Variants in UTP23 observed in about 807,000 individuals in gnomAD.
UTP23 encodes rRNA-processing protein UTP23 homolog.
Under a neutral mutation model 19.8 loss-of-function variants are expected in UTP23, and 10 were observed. The ratio of observed to expected loss-of-function variants is 0.50; its 90% CI spans 0.31 to 0.86. The LOEUF is 0.86. Ranked by LOEUF, UTP23 falls within the 40% of genes least tolerant of loss-of-function variation. The pLI is 0.05. For synonymous variants in UTP23, 108 were observed against 105.4 expected (o/e 1.02, Z -0.15); for missense variants, 282 against 293.1 (o/e 0.96, Z 0.28).
At position 116,772,727 on chromosome 8, in the gene UTP23, A is replaced by G. The variant is rs891608004; in HGVS notation, c.*885A>G. ...ATATTCTCTTTGAGATTGACTGTGA[A>G]TGTTATTGAAAAGTGTCTAAATTAG... On this transcript the variant is annotated 3_prime_UTR_variant, in exon 3 of 3. Coordinates refer to ENST00000309822, the MANE Select transcript of UTP23 (RefSeq NM_032334.3). 2.0e-6 allele frequency: 2 copies of G among 985,276 alleles called. No individual in the cohort carries two copies. Among genetic ancestry groups the G allele is most frequent in the Non-Finnish European group, 2.4e-6 (2 of 829,810 alleles). The allele number at this position is 985,276 out of a possible 1,614,324, so 61.0% of individuals were successfully genotyped here. A position where few individuals can be genotyped will look rare whatever the true frequency, so the allele number is the denominator to read the frequency against.
chr8:116,768,935 G>T (rs573009604), intron 1 of UTP23, among the ~76,000 whole-genome samples: 205 of 152,202 alleles, frequency 1.3e-3, no homozygotes, highest in Non-Finnish European at 2.2e-3. Flanking sequence ...AAAGCATGGG[G>T]ATTACAGGCA....
Position 116,771,548 on chromosome 8 carries a change from CA to C in UTP23, c.460del (p.Thr154GlnfsTer5). 6.2e-7 allele frequency: 1 copy of C among 1,611,440 alleles called. No homozygotes were observed. The highest frequency in any genetic ancestry group is 8.5e-7 in the Non-Finnish European group (1 of 1,179,350). On this transcript the variant is annotated frameshift_variant, in exon 3 of 3. Transcript: ENST00000309822. LOFTEE classifies it high-confidence loss of function. ...CTATGGTTTTGGACAAACCTTCTCC[CA>C]AAACAATTGCCTTTGTAAAAGCAGT... is the stretch of plus-strand genomic sequence containing the variant. ...NTMVLDKPSPKTIAFVKAVES... is the reference protein window; with the variant it reads ...NTMVLDKPSPXTIAFVKAVES...
In UTP23 at chr8:116,766,547, C is replaced by A; in HGVS notation, c.-57C>A. On this transcript the variant is annotated 5_prime_UTR_variant, in exon 1 of 3. Transcript: ENST00000309822. ...CTGGCATTGAGGGTACTGGGGCGTG[C>A]GTGAGGCGTTTACTGATGCTTCCTG... 6.4e-7 allele frequency: 1 copy of A among 1,558,486 alleles called. No homozygotes were observed. The highest frequency in any genetic ancestry group is 8.7e-7 in the Non-Finnish European group (1 of 1,149,654).
In UTP23 at chr8:116,766,704, T is replaced by C. The variant is rs1470641808; in HGVS notation, c.101T>C (p.Phe34Ser). 1 of 1,613,208 alleles carries C rather than the reference T, an allele frequency of 6.2e-7. No homozygotes were observed. ...EPYQILLDGTFCQAALRGRIQ... is the reference protein window; with the variant it reads ...EPYQILLDGTSCQAALRGRIQ... Reference sequence around the variant, plus strand: ...TACCAGATCCTGCTGGACGGCACCTTCTGTCAGGCGGCGCTGCGGGGCCGC... The same window carrying C: ...TACCAGATCCTGCTGGACGGCACCTCCTGTCAGGCGGCGCTGCGGGGCCGC... Residue 34 changes from phenylalanine to serine, a missense_variant, in exon 1 of 3, where the codon TTC becomes TCC. By Grantham distance (155) the Phe-to-Ser change is radical. Transcript: ENST00000309822.
Position 116,774,486 on chromosome 8 carries a change from A to G in UTP23, c.*2644A>G. On this transcript the variant is annotated 3_prime_UTR_variant, in exon 3 of 3. Coordinates refer to ENST00000309822, the MANE Select transcript of UTP23 (RefSeq NM_032334.3). ...ATGTTTTAAAAAATGTTTGCTTACT[A>G]TCTATATATATGACATTATTCCCAA... The G allele has an allele frequency of 2.2e-6, 2 of 912,018 alleles. No individual in the cohort carries two copies. The highest frequency in any genetic ancestry group is 2.6e-6 in the Non-Finnish European group (2 of 763,296). The allele number at this position is 912,018 out of a possible 1,614,324, so 56.5% of individuals were successfully genotyped here.
In UTP23 at chr8:116,774,017, C is replaced by T. The variant is rs951311738; in HGVS notation, c.*2175C>T. ...TTTTCATACAACTTGGGGAAGGGAA[C>T]CATGGGAGTATGCACATGGGATCAT... On this transcript the variant is annotated 3_prime_UTR_variant, in exon 3 of 3. Transcript: ENST00000309822. 1 of 985,216 alleles carries T rather than the reference C, an allele frequency of 1.0e-6. No homozygotes were observed. The highest frequency in any genetic ancestry group is 1.7e-5 in the African/African-American group (1 of 57,288). The allele number at this position is 985,216 out of a possible 1,614,324, so 61.0% of individuals were successfully genotyped here.
In UTP23 at chr8:116,773,410, G is replaced by T. The variant is rs2131026591; in HGVS notation, c.*1568G>T. The T allele has an allele frequency of 1.0e-6, 1 of 978,126 alleles. No individual in the cohort carries two copies. The highest frequency in any genetic ancestry group is 1.1e-4 in the East Asian group (1 of 8,784). The allele number at this position is 978,126 out of a possible 1,614,324, so 60.6% of individuals were successfully genotyped here. A position where few individuals can be genotyped will look rare whatever the true frequency, so the allele number is the denominator to read the frequency against. ...CTCTTAATCTATTTCTACTTAGTCA[G>T]TGCTATCTGATTACCTGTTAATAGC... On this transcript the variant is annotated 3_prime_UTR_variant, in exon 3 of 3. Coordinates refer to ENST00000309822, the MANE Select transcript of UTP23 (RefSeq NM_032334.3).
rs1208618452 is a variant in UTP23 at position 116,773,506 on chromosome 8, A to G, written c.*1664A>G. 4 of 984,198 alleles carry G rather than the reference A, an allele frequency of 4.1e-6. No homozygotes were observed. The East Asian group carries it at 4.5e-4, about 112-fold the overall frequency. The allele number at this position is 984,198 out of a possible 1,614,324, so 61.0% of individuals were successfully genotyped here. ...AATTATAGAAGTACTAAAAATTACA[A>G]TGTATTAGTAAGTTTAATATTTTGA... On this transcript the variant is annotated 3_prime_UTR_variant, in exon 3 of 3. Coordinates refer to ENST00000309822, the MANE Select transcript of UTP23 (RefSeq NM_032334.3).
At position 116,770,175 on chromosome 8, in the gene UTP23, A is replaced by T; in HGVS notation, c.189-17A>T. The T allele has an allele frequency of 6.4e-7, 1 of 1,563,386 alleles. No individual in the cohort carries two copies. Among genetic ancestry groups the T allele is most frequent in the South Asian group, 1.2e-5 (1 of 84,486 alleles). Reference sequence around the variant, plus strand: ...TGTAAACAAGTGAAATGTATCTGCTATAATTTTTCTTTTCAGATGTGTGTT... The same window carrying T: ...TGTAAACAAGTGAAATGTATCTGCTTTAATTTTTCTTTTCAGATGTGTGTT... On this transcript the variant is annotated splice_polypyrimidine_tract_variant and intron_variant, in intron 1 of 2. Coordinates refer to ENST00000309822, the MANE Select transcript of UTP23 (RefSeq NM_032334.3).
In UTP23 at chr8:116,772,754, CT is replaced by C. The variant is rs1328218431; in HGVS notation, c.*913del. ...GTTATTGAAAAGTGTCTAAATTAGT[CT>C]GAGGATCAATGAGGGTCAATTCAGT... On this transcript the variant is annotated 3_prime_UTR_variant, in exon 3 of 3. Transcript: ENST00000309822. 37 of 985,176 alleles carry C rather than the reference CT, an allele frequency of 3.8e-5. No homozygotes were observed. Among genetic ancestry groups the C allele is most frequent in the African/African-American group, 7.0e-5 (4 of 57,202 alleles). The allele number at this position is 985,176 out of a possible 1,614,324, so 61.0% of individuals were successfully genotyped here. A position where few individuals can be genotyped will look rare whatever the true frequency, so the allele number is the denominator to read the frequency against.
At position 116,766,663 on chromosome 8, in the gene UTP23, C is replaced by T; in HGVS notation, c.60C>T (p.Phe20=). Residue 20 remains phenylalanine, a synonymous_variant, in exon 1 of 3, where the codon TTC becomes TTT. Coordinates refer to ENST00000309822, the MANE Select transcript of UTP23 (RefSeq NM_032334.3). ...ATCTTGGCTTCTTCCGCAACAACTT[C>T]GGAGTCCGCGAGCCGTACCAGATCC... ...KKHLGFFRNN[F]GVREPYQILL... 6 of 1,585,994 alleles carry T rather than the reference C, an allele frequency of 3.8e-6. No homozygotes were observed. The highest frequency in any genetic ancestry group is 5.1e-6 in the Non-Finnish European group (6 of 1,168,174).
At position 116,771,549 on chromosome 8, in the gene UTP23, A is replaced by G. The variant is rs1815651680; in HGVS notation, c.457A>G (p.Lys153Glu). 1 of 1,611,626 alleles carries G rather than the reference A, an allele frequency of 6.2e-7. No individual in the cohort carries two copies. The highest frequency in any genetic ancestry group is 8.5e-7 in the Non-Finnish European group (1 of 1,179,458). ...NTMVLDKPSP[K>E]TIAFVKAVES... ...TATGGTTTTGGACAAACCTTCTCCC[A>G]AAACAATTGCCTTTGTAAAAGCAGT... The change falls in exon 3 of 3, where the codon AAA becomes GAA. Residue 153 changes from lysine to glutamate, a missense_variant. Lys to Glu is a moderately conservative substitution (Grantham distance 56). Coordinates refer to ENST00000309822, the MANE Select transcript of UTP23 (RefSeq NM_032334.3).
Position 116,774,659 on chromosome 8 carries a change from T to G in UTP23, c.*2817T>G. Reference sequence around the variant, plus strand: ...ATTAGTCATTGATGTATTTTGCCGGTAAAATTAAAAGATATTTTAACAAAA... The same window carrying G: ...ATTAGTCATTGATGTATTTTGCCGGGAAAATTAAAAGATATTTTAACAAAA... On this transcript the variant is annotated 3_prime_UTR_variant, in exon 3 of 3. Transcript: ENST00000309822. 1.2e-6 allele frequency: 1 copy of G among 827,368 alleles called. No homozygotes were observed. The highest frequency in any genetic ancestry group is 1.5e-6 in the Non-Finnish European group (1 of 687,246). 51.3% of individuals were successfully genotyped at this position (827,368 alleles called of 1,614,324 possible).
intron 2 of UTP23, chr8:116,770,599 C>A: frequency 2.6e-6 from 1 of 382,932 alleles, no homozygotes; most frequent in Non-Finnish European, 4.7e-6. Context: ...TTAATGATTC[C>A]TTTGTTTTGC....
chr8:116,769,970 A>G, intron 1 of UTP23: 1 of 387,166 alleles, frequency 2.6e-6, no homozygotes, highest in Non-Finnish European at 4.6e-6. Flanking sequence ...TGTAAAGAGC[A>G]ATTTGCATAC....
rs1815636048 is a variant in UTP23, at chr8:116,770,386, C to T, written c.363+20C>T. 2 of 1,574,468 alleles carry T rather than the reference C, an allele frequency of 1.3e-6. No homozygotes were observed. The highest frequency in any genetic ancestry group is 1.7e-6 in the Non-Finnish European group (2 of 1,152,590). On this transcript the variant is annotated intron_variant, in intron 2 of 2. Transcript: ENST00000309822. ...ACACAGGTGATACTACTTTTAAAACCACAGGCAATTTTCACCATTTCTATT... is the reference window on the plus strand; with the variant it reads ...ACACAGGTGATACTACTTTTAAAACTACAGGCAATTTTCACCATTTCTATT...
In UTP23 at chr8:116,770,177, A is replaced by G. The variant is rs201751876; in HGVS notation, c.189-15A>G. 35 of 1,565,112 alleles carry G rather than the reference A, an allele frequency of 2.2e-5. No homozygotes were observed. The Admixed American group carries it at 2.8e-4, about 13-fold the overall frequency. The stretch of plus-strand genomic sequence containing the variant: ...TAAACAAGTGAAATGTATCTGCTAT[A>G]ATTTTTCTTTTCAGATGTGTGTTAA... On this transcript the variant is annotated splice_polypyrimidine_tract_variant and intron_variant, in intron 1 of 2. Transcript: ENST00000309822.
In UTP23 at chr8:116,774,398, T is replaced by G. The variant is rs1815697087; in HGVS notation, c.*2556T>G. The G allele has an allele frequency of 1.0e-6, 1 of 961,336 alleles. No homozygotes were observed. The allele number at this position is 961,336 out of a possible 1,614,324, so 59.6% of individuals were successfully genotyped here. ...CTGCGTAAAGCAAGATGGCTGTGAT[T>G]TGACAGGTTTAATTGCTAGTTTTTT... On this transcript the variant is annotated 3_prime_UTR_variant, in exon 3 of 3. Coordinates refer to ENST00000309822, the MANE Select transcript of UTP23 (RefSeq NM_032334.3).
rs1215041123 is a variant in UTP23, at chr8:116,772,569, A to T, written c.*727A>T. 1.0e-6 allele frequency: 1 copy of T among 985,010 alleles called. No homozygotes were observed. Among genetic ancestry groups the T allele is most frequent in the African/African-American group, 1.7e-5 (1 of 57,230 alleles). The allele number at this position is 985,010 out of a possible 1,614,324, so 61.0% of individuals were successfully genotyped here. On this transcript the variant is annotated 3_prime_UTR_variant, in exon 3 of 3. Coordinates refer to ENST00000309822, the MANE Select transcript of UTP23 (RefSeq NM_032334.3). ...TATATGAATATTTTACTCTTTGTAC[A>T]TCAGAAACTCAGTATTTTCATTATT...
Sources: allele counts gnomAD v4.1 joint callset (sites outside exome capture counted in the v4.1 genomes callset), GRCh38; gene constraint gnomAD v4.1.1; transcripts MANE v1.5; gene names NCBI Gene and HGNC (gene_info 2026-07-23, HGNC 2026-07-21).